The following BBX variants were observed in gnomAD, a reference collection of about 807,000 sequenced individuals.
The protein encoded by BBX is BBX high mobility group box domain containing, also known as HMG box transcription factor BBX.
A neutral mutation model predicts 100.2 loss-of-function variants in BBX; 30 were observed. The observed-to-expected ratio is 0.30, with a 90% CI of 0.22 to 0.41. The LOEUF (loss-of-function observed/expected upper bound fraction) is 0.41. Ranked by LOEUF, BBX falls within the 10% of genes least tolerant of loss-of-function variation. The pLI is 1.00. For synonymous variants in BBX, 376 were observed against 388.1 expected (o/e 0.97, Z 0.37); for missense variants, 1,023 against 1,129.8 (o/e 0.91, Z 1.35).
chr3:107,710,169 T>C lies in BBX; in HGVS notation c.-9-283T>C, dbSNP rs542278716. On this transcript the variant is annotated intron_variant, in intron 3 of 17. Coordinates refer to ENST00000325805, the MANE Select transcript of BBX (RefSeq NM_001142568.3). ...CCTTAAGCTTACTGGGGTTTTAGGT[T>C]CAGAAGCTATGGAGAGGAGGGAAGT... Among the ~76,000 whole-genome samples the C allele has an allele frequency of 3.5e-3, 540 of 152,318 alleles. 2 individuals carry two copies. Among genetic ancestry groups the C allele is most frequent in the African/African-American group, 0.012 (502 of 41,564 alleles).
rs186550327 is a variant in BBX at position 107,527,895 on chromosome 3, A to G, written c.-84+1497A>G. Among the ~76,000 whole-genome samples the G allele has an allele frequency of 1.2e-4, 19 of 152,322 alleles. No homozygotes were observed. The East Asian group carries it at 3.3e-3, about 26-fold the overall frequency. ...ATTCTTGATTACTAAAGAACACCAC[A>G]TTTATACTGTTAGGCACATTATTTT... On this transcript the variant is annotated intron_variant, in intron 2 of 17. Transcript: ENST00000325805.
chr3:107,623,282 C>T (rs967324710), intron 2 of BBX, among the ~76,000 whole-genome samples: 6 of 152,116 alleles, frequency 3.9e-5, no homozygotes, highest in African/African-American at 9.7e-5. Context: ...ATCAGTATTC[C>T]GTCAGTCAGA....
intron 4 of BBX, among the ~76,000 whole-genome samples, chr3:107,711,109 C>T (rs921982046): frequency 5.3e-5 from 8 of 152,204 alleles, no homozygotes; most frequent in Middle Eastern, 3.2e-3. Flanking sequence ...GGCATCAGGC[C>T]TCAGCAGCTG....
chr3:107,721,022 C>T (rs2062489045), intron 5 of BBX, among the ~76,000 whole-genome samples: 2 of 152,036 alleles, frequency 1.3e-5, no homozygotes, highest in Admixed American at 1.3e-4. Context: ...TAGCACTTTG[C>T]CTACTATTAG....
At chr3:107,638,737 G>A (rs1281240484) in intron 2 of BBX, among the ~76,000 whole-genome samples, 6 of 132,464 alleles carry the variant, frequency 4.5e-5, no homozygotes, top group South Asian at 2.4e-4. Context: ...CCTGGGTAAC[G>A]TGGAGAAACC....
At chr3:107,643,172 A>G (rs2057320424) in intron 2 of BBX, among the ~76,000 whole-genome samples, 3 of 152,044 alleles carry the variant, frequency 2.0e-5, no homozygotes, top group Non-Finnish European at 2.9e-5. Context: ...CACCTTTTTT[A>G]GTATAAAAAG....
intron 3 of BBX, among the ~76,000 whole-genome samples, chr3:107,678,963 T>C (rs1054101204): frequency 3.3e-5 from 5 of 152,276 alleles, no homozygotes; most frequent in Admixed American, 6.5e-5. Context: ...TTAGGTTTCT[T>C]GCCCAAGATT....
intron 12 of BBX, among the ~76,000 whole-genome samples, chr3:107,775,546 T>TA (rs2067256756): frequency 6.6e-6 from 1 of 152,194 alleles, no homozygotes; most frequent in Non-Finnish European, 1.5e-5. Context: ...CATATTCAGT[T>TA]AGACTATTTT....
chr3:107,627,345 T>TA (rs2056255988), intron 2 of BBX, among the ~76,000 whole-genome samples: 1 of 152,214 alleles, frequency 6.6e-6, no homozygotes, highest in Non-Finnish European at 1.5e-5. Flanking sequence ...TATGTATCTC[T>TA]ATGAAGAAGA....
At chr3:107,803,336 GC>G (rs1362395052) in intron 17 of BBX, among the ~76,000 whole-genome samples, 3 of 151,924 alleles carry the variant, frequency 2.0e-5, no homozygotes, top group African/African-American at 7.3e-5. Context: ...TGTAACTTGA[GC>G]CCCTACCTGT....
At chr3:107,528,499 A>G (rs1371533299) in intron 2 of BBX, among the ~76,000 whole-genome samples, 2 of 152,152 alleles carry the variant, frequency 1.3e-5, no homozygotes, top group Non-Finnish European at 2.9e-5. Context: ...ATGTATCTTG[A>G]TCTTCGTATC....
At chr3:107,591,216 A>AT (rs35268307) in intron 2 of BBX, among the ~76,000 whole-genome samples, 41 of 150,634 alleles carry the variant, frequency 2.7e-4, no homozygotes, top group South Asian at 8.4e-4. Context: ...CTTTTTAAGG[A>AT]TTTTTTTTTT....
chr3:107,588,775 T>C (rs182156708), intron 2 of BBX, among the ~76,000 whole-genome samples: 395 of 152,314 alleles, frequency 2.6e-3, no homozygotes, highest in African/African-American at 9.1e-3. Context: ...ATTGAACATA[T>C]AACATGTTTT....
At chr3:107,584,804 G>GCTT (rs1211537773) in intron 2 of BBX, among the ~76,000 whole-genome samples, 1 of 141,046 alleles carries the variant, frequency 7.1e-6, no homozygotes, top group Non-Finnish European at 1.5e-5. Flanking sequence ...CAGTTCTCCT[G>GCTT]CTTCAGCCTC....
Position 107,755,600 on chromosome 3 carries a change from T to G in BBX, c.828T>G (p.Ile276Met). 6.2e-7 allele frequency: 1 copy of G among 1,613,404 alleles called. No homozygotes were observed. The highest frequency in any genetic ancestry group is 8.5e-7 in the Non-Finnish European group (1 of 1,179,418). Residue 276 changes from isoleucine (I) to methionine (M), a missense_variant and splice_region_variant, in exon 10 of 18, where the codon ATT becomes ATG. Around this residue, in one of 9 missense-constraint regions of BBX, gnomAD observed 95 missense variants for 95.1 expected, o/e 1.00. Coordinates refer to ENST00000325805, the MANE Select transcript of BBX (RefSeq NM_001142568.3). Reference protein sequence around the residue: ...QTSALFQFAEISSNTSQLGGA... With the variant: ...QTSALFQFAEMSSNTSQLGGA... ...TATTTGGATTGTCTTTAATATAGATTTCTTCAAACACTTCGCAGTTGGGTG... is the reference window on the plus strand; with the variant it reads ...TATTTGGATTGTCTTTAATATAGATGTCTTCAAACACTTCGCAGTTGGGTG...
At position 107,625,899 on chromosome 3, in the gene BBX, AAAT is replaced by A. The variant is rs1489214325; in HGVS notation, c.-83-19930_-83-19928del. Among the ~76,000 whole-genome samples the A allele has an allele frequency of 2.0e-5, 3 of 152,094 alleles. 1 individual carries two copies. The highest frequency in any genetic ancestry group is 1.3e-4 in the Admixed American group (2 of 15,274). On this transcript the variant is annotated intron_variant, in intron 2 of 17. Coordinates refer to ENST00000325805, the MANE Select transcript of BBX (RefSeq NM_001142568.3). ...TACATGTAAGATTATTTAAATTGAC[AAAT>A]AATAATCGTATTTTTTCATGGGGTA... is the stretch of plus-strand genomic sequence containing the variant.
chr3:107,581,628 C>T (rs1385146427), intron 2 of BBX, among the ~76,000 whole-genome samples: 1 of 152,024 alleles, frequency 6.6e-6, no homozygotes, highest in Non-Finnish European at 1.5e-5. Context: ...CTGTGGGCAT[C>T]AGCTGATTTA....
intron 7 of BBX, among the ~76,000 whole-genome samples, chr3:107,734,711 G>A (rs1251508979): frequency 2.6e-5 from 4 of 152,072 alleles, no homozygotes; most frequent in East Asian, 1.9e-4. Flanking sequence ...ACAAATCAAC[G>A]TCTGTAGAAC....
At chr3:107,561,508 T>C (rs1029281717) in intron 2 of BBX, among the ~76,000 whole-genome samples, 10 of 152,034 alleles carry the variant, frequency 6.6e-5, no homozygotes, top group African/African-American at 1.7e-4. Flanking sequence ...GGGAAAGAGA[T>C]ACATTATGGT....
Sources: allele counts gnomAD v4.1 joint callset (sites outside exome capture counted in the v4.1 genomes callset), GRCh38; gene constraint gnomAD v4.1.1; regional missense constraint gnomAD v4.1.1; transcripts MANE v1.5; gene names NCBI Gene and HGNC (gene_info 2026-07-23, HGNC 2026-07-21).